The following STAT5B variants were observed in gnomAD, a reference collection of about 807,000 sequenced individuals.
STAT5B encodes the protein transcription factor STAT5B.
In STAT5B, 21 loss-of-function variants were observed where a neutral mutation model predicts 107.8. That is an observed-to-expected ratio of 0.19 (90% CI 0.14 to 0.28). The LOEUF is 0.28. STAT5B is among the 10% of genes least tolerant of loss of function. The probability of loss-of-function intolerance (pLI) is 1.00; values close to 1 mark genes in which losing one functional copy is unlikely to be tolerated. For missense variants in STAT5B, 565 were observed against 1,008.2 expected (o/e 0.56, Z 5.95); for synonymous variants, 325 against 401.7 (o/e 0.81, Z 2.28).
chr17:42,218,075 G>T, intron 9 of STAT5B, 76 bp downstream of exon 9: 1 of 1,560,208 alleles, frequency 6.4e-7, no homozygotes, highest in Non-Finnish European at 8.7e-7. Context: ...ATCTGACACA[G>T]GAGGCAGAAT....
chr17:42,276,630 C>T (rs1159041920), upstream of STAT5B: 2 of 152,094 alleles, frequency 1.3e-5, no homozygotes, highest in South Asian at 2.1e-4. The surrounding 1 kb of genome is among the most constrained non-coding windows in gnomAD (Gnocchi z 4.8). Context: ...GCGCGCACCC[C>T]CTTTCTGCGG....
intron 1 of STAT5B, among the ~76,000 whole-genome samples, chr17:42,262,804 A>ATATATATACACATATATATGTGTG (rs2080614281): frequency 9.9e-6 from 1 of 100,756 alleles, no homozygotes; most frequent in African/African-American, 4.8e-5. Context: ...ATATGTGTGT[A>ATATATATACACATATATATGTGTG]TATATACACA....
chr17:42,270,218 T>C (rs1315797647), intron 1 of STAT5B, among the ~76,000 whole-genome samples: 1 of 151,956 alleles, frequency 6.6e-6, no homozygotes, highest in South Asian at 2.1e-4. Flanking sequence ...CAAGAAATAA[T>C]AATAATAAAT....
At position 42,208,795 on chromosome 17, in the gene STAT5B, G is replaced by A. The variant is rs941170046; in HGVS notation, c.1907-1067C>T. On this transcript the variant is annotated intron_variant, in intron 15 of 18. Coordinates refer to ENST00000293328, the MANE Select transcript of STAT5B (RefSeq NM_012448.4). ...TGCCCAGGCTGGAGTGCAGTGGCGC[G>A]ATCTCGGCTCACTGCAAGCTCCGCC... Among the ~76,000 whole-genome samples the A allele has an allele frequency of 9.2e-5, 14 of 151,618 alleles. No individual in the cohort carries two copies. The East Asian group carries it at 1.8e-3, about 19-fold the overall frequency.
rs1207650444 is a variant in STAT5B, at chr17:42,199,245, A to G, written c.*2493T>C. 1 of 151,688 alleles carries G rather than the reference A, an allele frequency of 6.6e-6. No individual in the cohort carries two copies. The highest frequency in any genetic ancestry group is 1.5e-5 in the Non-Finnish European group (1 of 68,036). The allele number at this position is 151,688 out of a possible 1,614,324, so 9.4% of individuals were successfully genotyped here. ...TTGTGACTGTAACTCTGCATAGGAT[A>G]TATTTCTTTTTTTTGAGGCAGAGTC... On this transcript the variant is annotated 3_prime_UTR_variant, in exon 19 of 19. Coordinates refer to ENST00000293328, the MANE Select transcript of STAT5B (RefSeq NM_012448.4).
intron 13 of STAT5B, among the ~76,000 whole-genome samples, 179 bp downstream of exon 13, chr17:42,211,805 T>C (rs1236970887): frequency 2.6e-5 from 4 of 152,206 alleles, no homozygotes; most frequent in Admixed American, 1.3e-4. Context: ...TATGCAAAGA[T>C]GTAATTTTCT....
rs781345676 is a variant in STAT5B, at chr17:42,256,861, CAAAAAAAAAA to C, written c.-11+19377_-11+19386del. Among the ~76,000 whole-genome samples, 25 of 44,810 alleles carry C rather than the reference CAAAAAAAAAA, an allele frequency of 5.6e-4. 1 individual carries two copies. Among genetic ancestry groups the C allele is most frequent in the Non-Finnish European group, 8.1e-4 (20 of 24,774 alleles). The allele number at this position is 44,810 out of a possible 152,430, so 29.4% of individuals were successfully genotyped here. On this transcript the variant is annotated intron_variant, in intron 1 of 18. Coordinates refer to ENST00000293328, the MANE Select transcript of STAT5B (RefSeq NM_012448.4). Reference sequence around the variant, plus strand: ...TGGGTGACAGAGCGAGACTCTGTCTCAAAAAAAAAAAAAAAAAAAAAAAAAAAGACTACAT... The same window carrying C: ...TGGGTGACAGAGCGAGACTCTGTCTCAAAAAAAAAAAAAAAAAGACTACAT...
chr17:42,236,019 T>G (rs2080354195), intron 1 of STAT5B, among the ~76,000 whole-genome samples: 1 of 152,214 alleles, frequency 6.6e-6, no homozygotes, highest in Admixed American at 6.5e-5. Context: ...GATTATTTCT[T>G]AGTTTTCATC....
intron 8 of STAT5B, 32 bp from the exon 9 acceptor site, chr17:42,218,362 AG>A (rs750135896): frequency 6.3e-7 from 1 of 1,578,934 alleles, no homozygotes; most frequent in South Asian, 1.1e-5. Flanking sequence ...ATGCATGATG[AG>A]GGGCTGGTGC....
chr17:42,237,079 C>G (rs144147711), intron 1 of STAT5B, among the ~76,000 whole-genome samples: 3 of 152,304 alleles, frequency 2.0e-5, no homozygotes, highest in African/African-American at 7.2e-5. Context: ...TTGAGCTCGG[C>G]TGAGTTGCAC....
intron 12 of STAT5B, chr17:42,214,683 ACCCTT>A: frequency 5.2e-6 from 5 of 955,314 alleles, no homozygotes; most frequent in African/African-American, 1.8e-5. Flanking sequence ...CCAAATGATA[ACCCTT>A]TTATCATGCT....
At chr17:42,261,081 G>T (rs1187228894) in intron 1 of STAT5B, among the ~76,000 whole-genome samples, 1 of 151,498 alleles carries the variant, frequency 6.6e-6, no homozygotes, top group Non-Finnish European at 1.5e-5. Context: ...GCTAATTTTT[G>T]TATTTTTAGT....
In STAT5B at chr17:42,201,547, C is replaced by G; in HGVS notation, c.*191G>C. 1.5e-6 allele frequency: 1 copy of G among 665,556 alleles called. No individual in the cohort carries two copies. The allele number at this position is 665,556 out of a possible 1,614,324, so 41.2% of individuals were successfully genotyped here. On this transcript the variant is annotated 3_prime_UTR_variant, in exon 19 of 19. Transcript: ENST00000293328. ...ACGCACACACACACACACACACACA[C>G]ACACACAAACACATACTCGCACTCC...
chr17:42,264,060 T>C (rs1598339586), intron 1 of STAT5B, among the ~76,000 whole-genome samples: 1 of 152,124 alleles, frequency 6.6e-6, no homozygotes, highest in East Asian at 1.9e-4. Context: ...TATAACATAA[T>C]TTAAATAGCT....
chr17:42,218,224 G>T lies in STAT5B; in HGVS notation c.1096C>A (p.Pro366Thr). 5 of 1,614,166 alleles carry T rather than the reference G, an allele frequency of 3.1e-6. No individual in the cohort carries two copies. The highest frequency in any genetic ancestry group is 4.2e-6 in the Non-Finnish European group (5 of 1,180,030). ...ATGATGGTGGCCTTCACCTGGGGGGGGTTCATGTGCACGTTCAGCTTCCCG... is the reference window on the plus strand; with the variant it reads ...ATGATGGTGGCCTTCACCTGGGGGGTGTTCATGTGCACGTTCAGCTTCCCG... ...VGGKLNVHMNPPQVKATIISE... is the reference protein window; with the variant it reads ...VGGKLNVHMNTPQVKATIISE... The change falls in exon 9 of 19, where the codon CCC becomes ACC. Residue 366 changes from proline to threonine, a missense_variant. Coordinates refer to ENST00000293328, the MANE Select transcript of STAT5B (RefSeq NM_012448.4).
intron 1 of STAT5B, among the ~76,000 whole-genome samples, chr17:42,264,055 CAT>C (rs1328701869): frequency 1.3e-5 from 2 of 151,790 alleles, no homozygotes; most frequent in Non-Finnish European, 2.9e-5. Flanking sequence ...TGTTTTATAA[CAT>C]AATTTAAATA....
chr17:42,286,374 A>T, the STAT5B span, among the ~76,000 whole-genome samples: 5 of 152,252 alleles, frequency 3.3e-5, no homozygotes, highest in South Asian at 1.0e-3. Flanking sequence ...GGTGGGAGGC[A>T]CGGGAGGGCT....
At chr17:42,257,566 G>A (rs537539194) in intron 1 of STAT5B, among the ~76,000 whole-genome samples, 1 of 152,238 alleles carries the variant, frequency 6.6e-6, no homozygotes, top group Non-Finnish European at 1.5e-5. Flanking sequence ...TCCAGCTTTG[G>A]TCCAGGACAT....
At chr17:42,229,944 T>C (rs2080304781) in intron 2 of STAT5B, among the ~76,000 whole-genome samples, 1 of 152,176 alleles carries the variant, frequency 6.6e-6, no homozygotes, top group African/African-American at 2.4e-5. Flanking sequence ...TTTCAAGTTT[T>C]CCTTAATATC....
Sources: gnomAD v4.1 joint callset for allele counts (sites outside exome capture counted in the v4.1 genomes callset) on GRCh38, gnomAD v4.1.1 for gene constraint, Gnocchi (gnomAD v3.1) non-coding constraint, MANE v1.5 for transcripts, NCBI Gene and HGNC (gene_info 2026-07-23, HGNC 2026-07-21) for gene names.